Variants in DCAF6 observed in about 807,000 individuals in gnomAD.
DCAF6 encodes the protein DDB1 and CUL4 associated factor 6, also known as DDB1- and CUL4-associated factor 6.
Under a neutral mutation model 125.1 loss-of-function variants are expected in DCAF6, and 54 were observed. The ratio of observed to expected loss-of-function variants is 0.43; its 90% confidence interval spans 0.35 to 0.54. The LOEUF (loss-of-function observed/expected upper bound fraction) is 0.54, where lower values mean the gene tolerates loss of function less well. Ranked by LOEUF, DCAF6 falls within the 20% of genes least tolerant of loss-of-function variation. The probability of loss-of-function intolerance (pLI) is 0.01; values close to 1 mark genes in which losing one functional copy is unlikely to be tolerated. For synonymous variants in DCAF6, 371 were observed against 390.4 expected, an observed-to-expected ratio of 0.95 and a Z score of 0.58; for missense variants, 934 against 1,161.7, an observed-to-expected ratio of 0.80 and a Z score of 2.85.
At chr1:168,014,950 T>A (rs1684763514) in intron 10 of DCAF6, among the ~76,000 whole-genome samples, 1 of 152,184 alleles carries the variant, frequency 6.6e-6, no homozygotes, top group East Asian at 1.9e-4. Flanking sequence ...CCCTGCCAAT[T>A]TAATTCATAG....
At chr1:167,956,402 T>C (rs1025854817) in intron 2 of DCAF6, among the ~76,000 whole-genome samples, 16 of 152,196 alleles carry the variant, frequency 1.1e-4, no homozygotes, top group African/African-American at 3.6e-4. Flanking sequence ...GAATCTGTAG[T>C]GTATGTTACT....
the DCAF6 span, among the ~76,000 whole-genome samples, chr1:167,865,205 A>G: frequency 2.6e-5 from 4 of 152,232 alleles, no homozygotes; most frequent in Non-Finnish European, 5.9e-5. Flanking sequence ...AGAAGGAGGC[A>G]TAAGAATGTG....
intron 2 of DCAF6, among the ~76,000 whole-genome samples, chr1:167,953,624 G>A (rs1476056735): frequency 6.6e-6 from 1 of 152,120 alleles, no homozygotes; most frequent in Admixed American, 6.6e-5. Flanking sequence ...TCTTTGATAT[G>A]GGGTCTTGCT....
At chr1:167,960,599 G>A (rs1011221795) in intron 2 of DCAF6, among the ~76,000 whole-genome samples, 2 of 152,142 alleles carry the variant, frequency 1.3e-5, no homozygotes, top group Non-Finnish European at 1.5e-5. Context: ...AGTAAGTCTT[G>A]AAGTTGGGTA....
rs145295686 is a variant in DCAF6, at chr1:168,049,890, C to T, written c.2259-1002C>T. 5.0e-3 allele frequency among the ~76,000 whole-genome samples: 745 copies of T among 149,840 alleles called. 5 individuals carry two copies. Among genetic ancestry groups the T allele is most frequent in the African/African-American group, 0.017 (698 of 40,822 alleles). On this transcript the variant is annotated intron_variant, in intron 16 of 21. Transcript: ENST00000367840. ...CAGGATGATCTCGATCTCCTGACCT[C>T]GTGATCCGCCTGCCTCAGCCTCCCA...
At chr1:167,940,164 A>G (rs1335352120) in intron 1 of DCAF6, among the ~76,000 whole-genome samples, 2 of 152,242 alleles carry the variant, frequency 1.3e-5, no homozygotes, top group Non-Finnish European at 2.9e-5. Context: ...TACTTCAGAA[A>G]ACTTCCTATT....
At chr1:167,902,013 T>A in the DCAF6 span, 4 of 1,612,376 alleles carry the variant, frequency 2.5e-6, no homozygotes, top group South Asian at 4.4e-5. Flanking sequence ...TAAGCCCCCA[T>A]ACCTGCAAAT....
At chr1:167,923,582 T>C in the DCAF6 span, among the ~76,000 whole-genome samples, 1 of 152,094 alleles carries the variant, frequency 6.6e-6, no homozygotes, top group Admixed American at 6.6e-5. Flanking sequence ...GACTTGCTTT[T>C]ACAAGATAAA....
chr1:167,983,729 A>T (rs772257997), intron 4 of DCAF6, among the ~76,000 whole-genome samples: 3 of 152,162 alleles, frequency 2.0e-5, no homozygotes, highest in Non-Finnish European at 4.4e-5. Context: ...TCTAATTCTT[A>T]CTTTTACTTT....
At chr1:167,999,093 T>C (rs1682208230) in intron 7 of DCAF6, among the ~76,000 whole-genome samples, 1 of 152,164 alleles carries the variant, frequency 6.6e-6, no homozygotes, top group Admixed American at 6.6e-5. Context: ...TACTCTTTGA[T>C]CTATGGGATA....
chr1:167,871,458 C>T, the DCAF6 span, among the ~76,000 whole-genome samples: 1 of 152,100 alleles, frequency 6.6e-6, no homozygotes, highest in Non-Finnish European at 1.5e-5. Context: ...GGGTTACAAC[C>T]CTTATTTTTC....
At chr1:167,887,391 T>C in the DCAF6 span, among the ~76,000 whole-genome samples, 300 of 152,316 alleles carry the variant, frequency 2.0e-3, 1 homozygote, top group Non-Finnish European at 3.4e-3. Context: ...TCACGTCCTT[T>C]GTAGGGACAT....
chr1:168,063,538 C>G (rs530530905), intron 17 of DCAF6, 83 bp from the exon 18 acceptor site: 51 of 1,204,980 alleles, frequency 4.2e-5, no homozygotes, highest in Non-Finnish European at 5.3e-5. Context: ...ATTTCCTAGA[C>G]TTACTATATT....
At chr1:168,008,048 C>G (rs1364207656) in intron 10 of DCAF6, among the ~76,000 whole-genome samples, 1 of 142,622 alleles carries the variant, frequency 7.0e-6, no homozygotes, top group Admixed American at 7.5e-5. Context: ...CAGGTCACTG[C>G]AGCCTCCCCC....
chr1:168,021,934 G>A (rs989910276), intron 11 of DCAF6, among the ~76,000 whole-genome samples: 4 of 152,130 alleles, frequency 2.6e-5, no homozygotes, highest in South Asian at 2.1e-4. Context: ...CATTTGCTAA[G>A]AACTAGAGCA....
chr1:167,971,754 A>G (rs2102869505), intron 3 of DCAF6, among the ~76,000 whole-genome samples: 1 of 152,320 alleles, frequency 6.6e-6, no homozygotes, highest in Admixed American at 6.5e-5. Context: ...ATACCTCTCT[A>G]GGGCATTATC....
At chr1:167,900,305 G>A in the DCAF6 span, among the ~76,000 whole-genome samples, 1 of 152,076 alleles carries the variant, frequency 6.6e-6, no homozygotes, top group African/African-American at 2.4e-5. Context: ...ACTCCCCCCT[G>A]ATTCTACATA....
chr1:167,936,514 G>C (rs1671230274), upstream of DCAF6: 1 of 223,648 alleles, frequency 4.5e-6, no homozygotes, highest in Admixed American at 5.6e-5. Context: ...TCCAGGGTGA[G>C]GGCAGCCGCA....
At chr1:167,937,160 G>A (rs1296372209) in intron 1 of DCAF6, 152 bp downstream of exon 1, 1 of 648,674 alleles carries the variant, frequency 1.5e-6, no homozygotes, top group East Asian at 2.8e-5. Flanking sequence ...GCCGAATTCC[G>A]TGCCGGTGCC....
Sources: allele counts gnomAD v4.1 joint callset (sites outside exome capture counted in the v4.1 genomes callset), GRCh38; gene constraint gnomAD v4.1.1; transcripts MANE v1.5; gene names NCBI Gene and HGNC (gene_info 2026-07-23, HGNC 2026-07-21).